CSGALNACT1: variants seen among roughly 807,000 people sequenced by gnomAD.
CSGALNACT1 encodes the protein beta4GalNAcT-1.
In CSGALNACT1, 52 loss-of-function variants were observed where a neutral mutation model predicts 51.0. The observed-to-expected ratio is 1.02, with a 90% CI of 0.82 to 1.29. The LOEUF (loss-of-function observed/expected upper bound fraction) is 1.29, where lower values mean the gene tolerates loss of function less well. Ranked by LOEUF, CSGALNACT1 falls within the 50% of genes most tolerant of loss-of-function variation. The probability of loss-of-function intolerance (pLI) is 0.00; values close to 1 mark genes in which losing one functional copy is unlikely to be tolerated. For missense variants in CSGALNACT1, 935 were observed against 679.2 expected (o/e 1.38, Z -4.19); for synonymous variants, 341 against 254.4 (o/e 1.34, Z -3.24).
At chr8:19,457,768 G>A (rs773755148) in intron 5 of CSGALNACT1, 25 of 1,350,682 alleles carry the variant, frequency 1.9e-5, no homozygotes, top group East Asian at 9.1e-5. Flanking sequence ...ATCCAACACC[G>A]CACAATCAAG....
intron 5 of CSGALNACT1, among the ~76,000 whole-genome samples, chr8:19,448,622 A>T (rs1404187584): frequency 6.6e-6 from 1 of 152,148 alleles, no homozygotes; most frequent in Non-Finnish European, 1.5e-5. Flanking sequence ...AGGGGGACTG[A>T]GGAGGAGGGG....
intron 1 of CSGALNACT1, among the ~76,000 whole-genome samples, chr8:19,614,870 T>C (rs1321312147): frequency 6.6e-6 from 1 of 152,218 alleles, no homozygotes; most frequent in Non-Finnish European, 1.5e-5. Flanking sequence ...CTACACATTG[T>C]ACTACAGACA....
chr8:19,670,645 GAAGACAAAAA>G (rs1257214143), intron 1 of CSGALNACT1, among the ~76,000 whole-genome samples: 2 of 15,576 alleles, frequency 1.3e-4, no homozygotes, highest in African/African-American at 7.0e-4. Flanking sequence ...ATGCACTACT[GAAGACAAAAA>G]AAAAAAAAAA....
intron 8 of CSGALNACT1, among the ~76,000 whole-genome samples, chr8:19,411,157 G>A (rs951793748): frequency 1.3e-5 from 2 of 152,158 alleles, no homozygotes; most frequent in Admixed American, 1.3e-4. Context: ...ACACCACTAA[G>A]CTGTGCTCCA....
chr8:19,438,174 A>G (rs1430234517), intron 6 of CSGALNACT1, among the ~76,000 whole-genome samples: 7 of 132,344 alleles, frequency 5.3e-5, no homozygotes, highest in Non-Finnish European at 1.1e-4. Flanking sequence ...AGCTGCTTAA[A>G]ATCTCTTGGC....
intron 1 of CSGALNACT1, among the ~76,000 whole-genome samples, chr8:19,660,474 C>T (rs142183648): frequency 2.0e-5 from 3 of 152,298 alleles, no homozygotes; most frequent in African/African-American, 4.8e-5. Context: ...TATGGTGCCA[C>T]AGCCTCTAGA....
chr8:19,417,821 T>C (rs2057179295), intron 8 of CSGALNACT1, among the ~76,000 whole-genome samples: 1 of 152,164 alleles, frequency 6.6e-6, no homozygotes, highest in Non-Finnish European at 1.5e-5. Context: ...GAGAAGGGCC[T>C]TTTCCCTCTC....
At chr8:19,423,066 C>T (rs912470774) in intron 6 of CSGALNACT1, among the ~76,000 whole-genome samples, 2 of 152,182 alleles carry the variant, frequency 1.3e-5, no homozygotes, top group Non-Finnish European at 2.9e-5. Flanking sequence ...TTGCACCTGA[C>T]TCATAATTCA....
intron 1 of CSGALNACT1, among the ~76,000 whole-genome samples, chr8:19,722,746 C>T (rs537570650): frequency 1.3e-5 from 2 of 152,316 alleles, no homozygotes; most frequent in East Asian, 3.9e-4. Flanking sequence ...TCACATTAAC[C>T]AAGCCCAAAG....
intron 1 of CSGALNACT1, among the ~76,000 whole-genome samples, chr8:19,620,906 G>T (rs967523765): frequency 1.3e-5 from 2 of 152,016 alleles, no homozygotes; most frequent in African/African-American, 4.8e-5. Flanking sequence ...CCTTAAGTGG[G>T]GGCTGTGAGA....
At chr8:19,586,659 G>T (rs2046722536) in intron 3 of CSGALNACT1, among the ~76,000 whole-genome samples, 2 of 152,258 alleles carry the variant, frequency 1.3e-5, no homozygotes, top group African/African-American at 4.8e-5. Flanking sequence ...GTCAGACTTG[G>T]AATCAGGTTT....
intron 3 of CSGALNACT1, among the ~76,000 whole-genome samples, chr8:19,585,582 C>T (rs533242012): frequency 7.2e-5 from 11 of 152,152 alleles, no homozygotes; most frequent in Non-Finnish European, 1.3e-4. Flanking sequence ...CTGTGATACA[C>T]CCCTTTACTA....
chr8:19,739,339 C>A (rs2064171125), intron 1 of CSGALNACT1, among the ~76,000 whole-genome samples: 1 of 152,050 alleles, frequency 6.6e-6, no homozygotes, highest in South Asian at 2.1e-4. Context: ...CCTGCTGCAT[C>A]CCCAGCTAGG....
intron 4 of CSGALNACT1, among the ~76,000 whole-genome samples, chr8:19,474,034 T>A (rs905457256): frequency 1.3e-5 from 2 of 152,262 alleles, no homozygotes; most frequent in Non-Finnish European, 2.9e-5. Context: ...TATCTCAAAC[T>A]GGTACATTGT....
At chr8:19,664,638 AACACACAAACACACACACACACACACAT>A (rs1264699699) in intron 1 of CSGALNACT1, among the ~76,000 whole-genome samples, 1 of 138,996 alleles carries the variant, frequency 7.2e-6, no homozygotes, top group East Asian at 1.9e-4. Flanking sequence ...CACACACACA[AACACACAAACACACACACACACACACAT>A]ACACACATAC....
At position 19,559,727 on chromosome 8, in the gene CSGALNACT1, A is replaced by C. The variant is rs116388461; in HGVS notation, c.-297+31433T>G. ...CTGTATCAAAAAGTGCCTAGCAATA[A>C]ATCTAACAAAAGACATGCAGAAACC... On this transcript the variant is annotated intron_variant, in intron 3 of 9. Transcript: ENST00000454498. 5.6e-3 allele frequency among the ~76,000 whole-genome samples: 846 copies of C among 152,352 alleles called. 7 individuals are homozygous for C. Among genetic ancestry groups the C allele is most frequent in the African/African-American group, 0.019 (799 of 41,568 alleles).
At chr8:19,490,090 A>G (rs1205365383) in intron 4 of CSGALNACT1, among the ~76,000 whole-genome samples, 3 of 152,242 alleles carry the variant, frequency 2.0e-5, no homozygotes, top group Non-Finnish European at 4.4e-5. Context: ...GGATTCGAGT[A>G]TAACAGCCAG....
At chr8:19,520,120 C>G (rs1191204516) in intron 3 of CSGALNACT1, among the ~76,000 whole-genome samples, 1 of 152,210 alleles carries the variant, frequency 6.6e-6, no homozygotes, top group African/African-American at 2.4e-5. Context: ...TCTTCCTTCC[C>G]CACCTACAAA....
upstream of CSGALNACT1, among the ~76,000 whole-genome samples, chr8:19,603,631 G>A (rs1588963765): frequency 6.6e-6 from 1 of 152,314 alleles, no homozygotes; most frequent in Middle Eastern, 3.4e-3. Flanking sequence ...GTTGAAATAA[G>A]CTTATAATTT....
Sources: allele counts gnomAD v4.1 joint callset (sites outside exome capture counted in the v4.1 genomes callset), GRCh38; gene constraint gnomAD v4.1.1; transcripts MANE v1.5; gene names NCBI Gene and HGNC (gene_info 2026-07-23, HGNC 2026-07-21).